The following DMRT1 variants were observed in gnomAD, a reference collection of about 807,000 sequenced individuals.
The protein encoded by DMRT1 is doublesex- and mab-3-related transcription factor 1.
In DMRT1, 7 loss-of-function variants were observed where a neutral mutation model predicts 32.3. That is an observed-to-expected ratio of 0.22 (90% CI 0.12 to 0.41). DMRT1 has a LOEUF of 0.41. DMRT1 is among the 10% of genes least tolerant of loss of function. The pLI is 1.00. For missense variants in DMRT1, 625 were observed against 500.5 expected (o/e 1.25, Z -2.37); for synonymous variants, 278 against 206.1 (o/e 1.35, Z -2.99).
intron 3 of DMRT1, among the ~76,000 whole-genome samples, chr9:908,301 T>C (rs912620758): frequency 2.0e-4 from 31 of 151,862 alleles, no homozygotes; most frequent in African/African-American, 7.5e-4. Flanking sequence ...ACAAAAAATA[T>C]AAAAAATTTA....
At chr9:967,704 C>A (rs1243424386) in intron 4 of DMRT1, among the ~76,000 whole-genome samples, 1 of 152,036 alleles carries the variant, frequency 6.6e-6, no homozygotes, top group Non-Finnish European at 1.5e-5. Context: ...AGGATGCAGC[C>A]GACTTGTTTT....
chr9:949,234 C>T (rs1238762489), intron 4 of DMRT1, among the ~76,000 whole-genome samples: 1 of 152,032 alleles, frequency 6.6e-6, no homozygotes, highest in Non-Finnish European at 1.5e-5. Flanking sequence ...GGCATGGTGA[C>T]GTATACCTGT....
intron 3 of DMRT1, among the ~76,000 whole-genome samples, chr9:915,156 C>T (rs775281657): frequency 1.3e-5 from 2 of 152,098 alleles, no homozygotes; most frequent in Non-Finnish European, 2.9e-5. Context: ...TGTTTAAAAG[C>T]GAGTACCATC....
At chr9:958,193 G>C (rs771959986) in intron 4 of DMRT1, among the ~76,000 whole-genome samples, 7 of 152,048 alleles carry the variant, frequency 4.6e-5, no homozygotes, top group Non-Finnish European at 1.0e-4. Flanking sequence ...AAGAATATGA[G>C]TCTCCCAGTA....
intron 4 of DMRT1, among the ~76,000 whole-genome samples, chr9:927,571 T>G (rs1818569420): frequency 6.6e-6 from 1 of 152,200 alleles, no homozygotes; most frequent in Non-Finnish European, 1.5e-5. Context: ...TGGGGATAGC[T>G]TTTGTTTTCT....
chr9:919,379 G>C (rs1818283617), intron 4 of DMRT1, among the ~76,000 whole-genome samples: 1 of 141,348 alleles, frequency 7.1e-6, no homozygotes, highest in Non-Finnish European at 1.5e-5. Context: ...CTCTGGGTTT[G>C]CTATAAAGCT....
chr9:856,254 A>G (rs982281836), intron 2 of DMRT1, among the ~76,000 whole-genome samples: 4 of 152,190 alleles, frequency 2.6e-5, no homozygotes, highest in Non-Finnish European at 5.9e-5. Context: ...ATTCAAATGT[A>G]GTTTAACGAC....
chr9:894,733 C>T (rs551285020), intron 3 of DMRT1: 1 of 174,840 alleles, frequency 5.7e-6, no homozygotes, highest in South Asian at 1.4e-4. Context: ...TTGAGCTGGA[C>T]CCAACCTGGG....
chr9:938,204 A>T (rs1014299479), intron 4 of DMRT1, among the ~76,000 whole-genome samples: 1 of 152,162 alleles, frequency 6.6e-6, no homozygotes, highest in Admixed American at 6.5e-5. Context: ...AAATCAGGAA[A>T]TGTGATCCCT....
In DMRT1 at chr9:862,186, C is replaced by T. The variant is rs547841772; in HGVS notation, c.538+15043C>T. 2.0e-3 allele frequency among the ~76,000 whole-genome samples: 300 copies of T among 151,308 alleles called. 1 individual carries two copies. The highest frequency in any genetic ancestry group is 6.9e-3 in the African/African-American group (285 of 41,378). ...TGGAGGTTGTAGCGAGCCGAGATCA[C>T]GCCACTGCACTCCAGCCTGGGCAAC... On this transcript the variant is annotated intron_variant, in intron 2 of 4. Coordinates refer to ENST00000382276, the MANE Select transcript of DMRT1 (RefSeq NM_021951.3).
intron 4 of DMRT1, among the ~76,000 whole-genome samples, chr9:953,551 C>T (rs1205760896): frequency 1.3e-5 from 2 of 152,226 alleles, no homozygotes; most frequent in Admixed American, 6.5e-5. Context: ...TCTTCTCTCT[C>T]GCCTGCAGGA....
In DMRT1 at chr9:898,938, G is replaced by A. The variant is rs796238822; in HGVS notation, c.822+4743G>A. On this transcript the variant is annotated intron_variant, in intron 3 of 4. Transcript: ENST00000382276. ...AATATCTTTTCATTTATCTGTCTTC[G>A]GTTTCTCTCATCAGTGTTTTATAGT... is the stretch of plus-strand genomic sequence containing the variant. Among the ~76,000 whole-genome samples the A allele has an allele frequency of 3.3e-5, 5 of 152,008 alleles. 1 individual carries two copies. The South Asian group carries it at 8.3e-4, about 25-fold the overall frequency.
chr9:882,250 G>A (rs1816761555), intron 2 of DMRT1, among the ~76,000 whole-genome samples: 1 of 152,098 alleles, frequency 6.6e-6, no homozygotes, highest in African/African-American at 2.4e-5. Flanking sequence ...TTTCTCTGGG[G>A]GTGTGAAGGG....
intron 3 of DMRT1, among the ~76,000 whole-genome samples, chr9:902,408 C>T (rs964346269): frequency 6.6e-6 from 1 of 151,524 alleles, no homozygotes; most frequent in Non-Finnish European, 1.5e-5. Flanking sequence ...TCTTTAGGGG[C>T]TTCAGTGTGC....
At chr9:855,978 A>G (rs945438117) in intron 2 of DMRT1, among the ~76,000 whole-genome samples, 1 of 151,744 alleles carries the variant, frequency 6.6e-6, no homozygotes, top group South Asian at 2.1e-4. Context: ...GTGCAATGGC[A>G]TGATCTCGGC....
intron 3 of DMRT1, among the ~76,000 whole-genome samples, chr9:900,183 C>T (rs182727242): frequency 4.1e-4 from 32 of 78,366 alleles, no homozygotes; most frequent in East Asian, 1.7e-3. Context: ...GGAAGGAAAC[C>T]GCGTTCTGGC....
rs898643240 is a variant in DMRT1, at chr9:887,816, G to C, written c.539-6096G>C. 2.6e-5 allele frequency among the ~76,000 whole-genome samples: 4 copies of C among 152,092 alleles called. No individual in the cohort carries two copies. The East Asian group carries it at 7.7e-4, about 29-fold the overall frequency. Reference sequence around the variant, plus strand: ...GGATTATTGCTTTGTAGATTTCCCAGTTTGCACCTAATTTCCCCAAATAGA... The same window carrying C: ...GGATTATTGCTTTGTAGATTTCCCACTTTGCACCTAATTTCCCCAAATAGA... On this transcript the variant is annotated intron_variant, in intron 2 of 4. Coordinates refer to ENST00000382276, the MANE Select transcript of DMRT1 (RefSeq NM_021951.3).
chr9:963,380 C>T (rs954505463), intron 4 of DMRT1, among the ~76,000 whole-genome samples: 2 of 151,456 alleles, frequency 1.3e-5, no homozygotes, highest in South Asian at 2.1e-4. Context: ...TAATTGCACT[C>T]GGGGGAAAAA....
chr9:915,232 G>A (rs556609272), intron 3 of DMRT1, among the ~76,000 whole-genome samples: 5 of 152,276 alleles, frequency 3.3e-5, no homozygotes, highest in South Asian at 2.1e-4. Flanking sequence ...CCGTGAAGAT[G>A]TGATCATGAG....
Sources: gnomAD v4.1 joint callset for allele counts (sites outside exome capture counted in the v4.1 genomes callset) on GRCh38, gnomAD v4.1.1 for gene constraint, MANE v1.5 for transcripts, NCBI Gene and HGNC (gene_info 2026-07-23, HGNC 2026-07-21) for gene names.